MTA3: variants seen among roughly 807,000 people sequenced by gnomAD.
MTA3 encodes metastasis-associated protein MTA3.
A neutral mutation model predicts 83.5 loss-of-function variants in MTA3; 34 were observed. The ratio of observed to expected loss-of-function variants is 0.41; its 90% confidence interval spans 0.31 to 0.54. The LOEUF is 0.54. MTA3 is among the 20% of genes least tolerant of loss of function. The pLI, the probability that MTA3 is intolerant of heterozygous loss-of-function variation, is 0.33. For missense variants in MTA3, 761 were observed against 726.4 expected, an observed-to-expected ratio of 1.05 and a Z score of -0.55; for synonymous variants, 303 against 252.7, an observed-to-expected ratio of 1.20 and a Z score of -1.89.
chr2:42,531,445 C>T (rs1356041569), intron 2 of MTA3, among the ~76,000 whole-genome samples: 3 of 75,356 alleles, frequency 4.0e-5, no homozygotes, highest in African/African-American at 5.7e-5. Flanking sequence ...GAAGCAAACT[C>T]TTTTTTTTTT....
At chr2:42,518,241 G>A (rs1325660865) in intron 2 of MTA3, among the ~76,000 whole-genome samples, 1 of 152,046 alleles carries the variant, frequency 6.6e-6, no homozygotes, top group Non-Finnish European at 1.5e-5. Context: ...CCCATATCTT[G>A]GCTTTAATAC....
At position 42,527,052 on chromosome 2, in the gene MTA3, C is replaced by CAAAAA. The variant is rs34030475; in HGVS notation, c.-141+31819_-141+31823dup. On this transcript the variant is annotated intron_variant, in intron 2 of 17. Transcript: ENST00000405592. ...CTGATAACAAAGCAAGACTCTGTCTCAAAAAAAAAAAAAAAAAAAAAAAAA... is the reference window on the plus strand; with the variant it reads ...CTGATAACAAAGCAAGACTCTGTCTCAAAAAAAAAAAAAAAAAAAAAAAAAAAAAA... Among the ~76,000 whole-genome samples the CAAAAA allele has an allele frequency of 2.2e-3, 99 of 45,254 alleles. 4 individuals carry two copies. The highest frequency in any genetic ancestry group is 3.0e-3 in the African/African-American group (34 of 11,292). The allele number at this position is 45,254 out of a possible 152,430, so 29.7% of individuals were successfully genotyped here. A position where few individuals can be genotyped will look rare whatever the true frequency, so the allele number is the denominator to read the frequency against.
At chr2:42,715,985 C>T (rs1666997042) in intron 14 of MTA3, among the ~76,000 whole-genome samples, 1 of 152,162 alleles carries the variant, frequency 6.6e-6, no homozygotes, top group Non-Finnish European at 1.5e-5. Flanking sequence ...GTAATATTAG[C>T]AAGAAATTAT....
rs1678419902 is a variant in MTA3, at chr2:42,571,049, G to A, written c.96+545G>A. On this transcript the variant is annotated intron_variant, in intron 2 of 16. Coordinates refer to ENST00000405094, the MANE Select transcript of MTA3 (RefSeq NM_001330442.2). ...AAATAAAAAAATAAAAATAAGCTGG[G>A]TAAAGGGGCATAAGAGATGATTTTA... 2.6e-5 allele frequency among the ~76,000 whole-genome samples: 4 copies of A among 151,896 alleles called. No individual in the cohort carries two copies. The South Asian group carries it at 8.3e-4, about 32-fold the overall frequency.
rs533511212 is a variant in MTA3 at position 42,696,374 on chromosome 2, A to G, written c.966+535A>G. Among the ~76,000 whole-genome samples the G allele has an allele frequency of 8.9e-4, 136 of 152,304 alleles. 1 individual carries two copies. The highest frequency in any genetic ancestry group is 9.7e-4 in the Non-Finnish European group (66 of 68,028). On this transcript the variant is annotated intron_variant, in intron 10 of 16. Transcript: ENST00000405094. ...AAATGTAATTTTTGAGTCCTTCTCA[A>G]ATATCCTAAATTCAGGTAACTCTCA...
At chr2:42,516,288 G>A (rs138054254) in intron 2 of MTA3, among the ~76,000 whole-genome samples, 37 of 152,254 alleles carry the variant, frequency 2.4e-4, no homozygotes, top group African/African-American at 8.9e-4. Context: ...ATTTTTGACC[G>A]CACTTGGATT....
chr2:42,736,141 G>T (rs1423799618), intron 16 of MTA3, among the ~76,000 whole-genome samples: 1 of 152,184 alleles, frequency 6.6e-6, no homozygotes, highest in African/African-American at 2.4e-5. Context: ...TTTGTTCACT[G>T]CAGCCATACC....
intron 15 of MTA3, 141 bp from the exon 16 acceptor site, chr2:42,722,748 A>G: frequency 1.0e-6 from 1 of 957,372 alleles, no homozygotes; most frequent in Non-Finnish European, 1.5e-6. Context: ...AAGCTGACTC[A>G]TTATGCAAGT....
intron 8 of MTA3, among the ~76,000 whole-genome samples, chr2:42,676,545 C>T (rs1411922099): frequency 2.6e-5 from 4 of 152,156 alleles, no homozygotes; most frequent in African/African-American, 4.8e-5. Flanking sequence ...ACAGGCAGAT[C>T]GCTTGAGCCC....
At chr2:42,638,609 C>G (rs1687407950) in intron 4 of MTA3, among the ~76,000 whole-genome samples, 1 of 151,976 alleles carries the variant, frequency 6.6e-6, no homozygotes, top group African/African-American at 2.4e-5. Context: ...TCAAGCGATT[C>G]TTCTACCTCG....
intron 2 of MTA3, among the ~76,000 whole-genome samples, chr2:42,522,935 A>G (rs1335003300): frequency 6.7e-6 from 1 of 150,132 alleles, no homozygotes; most frequent in Non-Finnish European, 1.5e-5. Context: ...TCAGCCTCCC[A>G]AGTAGCTGGG....
chr2:42,633,444 T>C (rs368856218), intron 4 of MTA3, among the ~76,000 whole-genome samples: 1 of 152,000 alleles, frequency 6.6e-6, no homozygotes, highest in East Asian at 1.9e-4. Flanking sequence ...CGGGGCCTGG[T>C]GGTTCATGCC....
intron 16 of MTA3, among the ~76,000 whole-genome samples, chr2:42,735,180 G>T (rs1295546403): frequency 1.3e-5 from 2 of 152,162 alleles, no homozygotes; most frequent in South Asian, 2.1e-4. Context: ...GCTTTTGTTT[G>T]TCTGGGAAAA....
intron 4 of MTA3, among the ~76,000 whole-genome samples, chr2:42,612,451 A>G (rs1314155278): frequency 6.6e-6 from 1 of 152,124 alleles, no homozygotes; most frequent in Non-Finnish European, 1.5e-5. Flanking sequence ...CTTGACCTAA[A>G]GTGATCTGCC....
At chr2:42,604,569 C>CTTTTT (rs1323312162) in intron 3 of MTA3, among the ~76,000 whole-genome samples, 1 of 47,420 alleles carries the variant, frequency 2.1e-5, no homozygotes, top group African/African-American at 1.6e-4. Context: ...CTGAATGTTT[C>CTTTTT]TTTTCTTTTT....
chr2:42,577,105 A>AAAATATATATATATATATATAT, intron 2 of MTA3, among the ~76,000 whole-genome samples: 1 of 86,920 alleles, frequency 1.2e-5, no homozygotes, highest in African/African-American at 5.4e-5. Flanking sequence ...AAAAAAAAAA[A>AAAATATATATATATATATATAT]ATATATATAT....
intron 9 of MTA3, among the ~76,000 whole-genome samples, chr2:42,687,377 A>G (rs1692478042): frequency 6.6e-6 from 1 of 152,196 alleles, no homozygotes; most frequent in African/African-American, 2.4e-5. Flanking sequence ...GTGTTGCTGC[A>G]TATATCAGTC....
At chr2:42,528,667 T>C (rs927689658) in intron 2 of MTA3, among the ~76,000 whole-genome samples, 4 of 152,208 alleles carry the variant, frequency 2.6e-5, no homozygotes, top group Admixed American at 6.5e-5. Context: ...CTTCGGAAAA[T>C]TGCCTGCCCT....
chr2:42,682,426 G>T lies in MTA3; in HGVS notation c.728G>T (p.Arg243Ile), dbSNP rs1286246505. 1 of 1,609,082 alleles carries T rather than the reference G, an allele frequency of 6.2e-7. No homozygotes were observed. ...TTTCACGCTATGGATACATTGTATA[G>T]ACACAGCTATGATTTGAGCAGTGCC... is the stretch of plus-strand genomic sequence containing the variant. The part of the protein sequence containing the change: ...TLFHAMDTLY[R>I]HSYDLSSAIS... Residue 243 changes from arginine to isoleucine, a missense_variant, in exon 9 of 17, where the codon AGA (arginine) becomes ATA (isoleucine). Coordinates refer to ENST00000405094, the MANE Select transcript of MTA3 (RefSeq NM_001330442.2).
Sources: allele counts gnomAD v4.1 joint callset (sites outside exome capture counted in the v4.1 genomes callset), GRCh38; gene constraint gnomAD v4.1.1; transcripts MANE v1.5; gene names NCBI Gene and HGNC (gene_info 2026-07-23, HGNC 2026-07-21).